Variants in PLEKHA5 observed in about 807,000 individuals in gnomAD.
The protein encoded by PLEKHA5 is pleckstrin homology domain containing A5.
A neutral mutation model predicts 181.9 loss-of-function variants in PLEKHA5; 55 were observed. The ratio of observed to expected loss-of-function variants is 0.30; its 90% CI spans 0.24 to 0.38. The LOEUF (loss-of-function observed/expected upper bound fraction) is 0.38, where lower values mean the gene tolerates loss of function less well. PLEKHA5 is among the 10% of genes least tolerant of loss of function. The pLI is 1.00. For missense variants in PLEKHA5, 1,432 were observed against 1,549.5 expected, an observed-to-expected ratio of 0.92 and a Z score of 1.27; for synonymous variants, 535 against 529.4, an observed-to-expected ratio of 1.01 and a Z score of -0.15.
chr12:19,372,053 T>C (rs1336714673), intron 31 of PLEKHA5: 1 of 152,134 alleles, frequency 6.6e-6, no homozygotes, highest in Non-Finnish European at 1.5e-5. Context: ...CAGGCTGGAG[T>C]GCAGTGGCGT....
chr12:19,301,856 G>C (rs2081560227), intron 15 of PLEKHA5, among the ~76,000 whole-genome samples: 2 of 152,168 alleles, frequency 1.3e-5, no homozygotes, highest in African/African-American at 4.8e-5. Context: ...CCTGCTTCCT[G>C]TTGAAGAGTG....
chr12:19,369,448 G>C (rs1259515954), intron 30 of PLEKHA5, among the ~76,000 whole-genome samples: 1 of 152,072 alleles, frequency 6.6e-6, no homozygotes, highest in Non-Finnish European at 1.5e-5. Context: ...GGGAGACCAA[G>C]ATGGGAGGAT....
chr12:19,295,646 C>T (rs1450316757), intron 15 of PLEKHA5, among the ~76,000 whole-genome samples: 3 of 152,138 alleles, frequency 2.0e-5, no homozygotes, highest in Non-Finnish European at 4.4e-5. Flanking sequence ...CTAAAAGGTT[C>T]CATAGAGCCA....
At chr12:19,299,359 G>T (rs937040944) in intron 15 of PLEKHA5, among the ~76,000 whole-genome samples, 1 of 152,166 alleles carries the variant, frequency 6.6e-6, no homozygotes, top group African/African-American at 2.4e-5. Context: ...GAGAACAAAG[G>T]CTACCATAAC....
At chr12:19,260,832 C>G (rs1313721464) in intron 6 of PLEKHA5, 117 bp from the exon 7 acceptor site, 1 of 544,866 alleles carries the variant, frequency 1.8e-6, no homozygotes, top group Non-Finnish European at 3.1e-6. Context: ...TGCACTCCAG[C>G]CTGGGCAACA....
chr12:19,369,270 A>T (rs1347341816), intron 30 of PLEKHA5, among the ~76,000 whole-genome samples: 1 of 151,772 alleles, frequency 6.6e-6, no homozygotes, highest in Non-Finnish European at 1.5e-5. Context: ...CCTGACCTCA[A>T]ATGATCCGCC....
chr12:19,283,218 A>T, intron 11 of PLEKHA5, 62 bp from the exon 12 acceptor site: 1 of 956,764 alleles, frequency 1.0e-6, no homozygotes, highest in Non-Finnish European at 1.5e-6. Flanking sequence ...AATGTACTCT[A>T]ATTTAGAATT....
At chr12:19,349,872 G>A (rs2094510085) in intron 25 of PLEKHA5, among the ~76,000 whole-genome samples, 1 of 152,194 alleles carries the variant, frequency 6.6e-6, no homozygotes, top group Non-Finnish European at 1.5e-5. Flanking sequence ...CAGCACTTTG[G>A]GAGGTGGAGG....
At chr12:19,374,134 A>G (rs1216207228) in intron 31 of PLEKHA5, among the ~76,000 whole-genome samples, 2 of 152,174 alleles carry the variant, frequency 1.3e-5, no homozygotes. Context: ...ACCTTTACAA[A>G]TGACACTACG....
intron 20 of PLEKHA5, among the ~76,000 whole-genome samples, chr12:19,335,269 G>A (rs2093327518): frequency 6.6e-6 from 1 of 151,792 alleles, no homozygotes; most frequent in Non-Finnish European, 1.5e-5. Flanking sequence ...CTGGGCTCAA[G>A]TGATCCACCT....
At chr12:19,276,756 A>T (rs2074639155) in intron 11 of PLEKHA5, among the ~76,000 whole-genome samples, 1 of 152,232 alleles carries the variant, frequency 6.6e-6, no homozygotes, top group African/African-American at 2.4e-5. Flanking sequence ...CAAAGAAAAG[A>T]TTTGGGAAAA....
At chr12:19,193,259 G>A (rs1361159315) in intron 3 of PLEKHA5, among the ~76,000 whole-genome samples, 2 of 152,124 alleles carry the variant, frequency 1.3e-5, no homozygotes, top group Admixed American at 6.5e-5. Flanking sequence ...AATATAGTAA[G>A]ATTCACAAGA....
chr12:19,137,436 CAA>C lies in PLEKHA5; in HGVS notation c.227+4987_227+4988del, dbSNP rs576798497. 5.7e-3 allele frequency among the ~76,000 whole-genome samples: 864 copies of C among 152,302 alleles called. 3 individuals carry two copies. The highest frequency in any genetic ancestry group is 0.02 in the African/African-American group (826 of 41,578). On this transcript the variant is annotated intron_variant, in intron 3 of 31. Coordinates refer to ENST00000429027, the MANE Select transcript of PLEKHA5 (RefSeq NM_001256470.2). ...TTATATTTCTTTTCCATATTTATAA[CAA>C]GAGTTTTGGACTGTTAATATGTGAT...
chr12:19,285,466 C>T (rs2077017781), intron 12 of PLEKHA5, among the ~76,000 whole-genome samples: 1 of 152,238 alleles, frequency 6.6e-6, no homozygotes, highest in Non-Finnish European at 1.5e-5. Flanking sequence ...CTTCCTTGAT[C>T]TAGATCAGTG....
intron 24 of PLEKHA5, among the ~76,000 whole-genome samples, chr12:19,347,582 G>T (rs1005183981): frequency 5.9e-5 from 9 of 152,172 alleles, no homozygotes; most frequent in Admixed American, 5.9e-4. Flanking sequence ...GGACATTTTG[G>T]TCTAGGAAAA....
At chr12:19,254,685 T>C (rs1298764954) in intron 4 of PLEKHA5, among the ~76,000 whole-genome samples, 1 of 151,984 alleles carries the variant, frequency 6.6e-6, no homozygotes. Context: ...TAGCCGGGCA[T>C]GGTGGAACGT....
At chr12:19,289,617 C>G (rs897737457) in intron 13 of PLEKHA5, among the ~76,000 whole-genome samples, 1 of 152,056 alleles carries the variant, frequency 6.6e-6, no homozygotes, top group Non-Finnish European at 1.5e-5. Context: ...TACTGTATTT[C>G]TAAGAAAAGT....
chr12:19,212,492 C>G (rs1230407318), intron 3 of PLEKHA5, among the ~76,000 whole-genome samples: 1 of 152,078 alleles, frequency 6.6e-6, no homozygotes, highest in Non-Finnish European at 1.5e-5. Flanking sequence ...ACCAGTCTGG[C>G]CAACATGGTG....
chr12:19,302,906 A>ATTTTTT lies in PLEKHA5; in HGVS notation c.2037+11237_2037+11242dup, dbSNP rs34702332. 7.3e-3 allele frequency among the ~76,000 whole-genome samples: 396 copies of ATTTTTT among 54,030 alleles called. 29 individuals are homozygous for ATTTTTT. The highest frequency in any genetic ancestry group is 0.012 in the South Asian group (9 of 776). The allele number at this position is 54,030 out of a possible 152,430, so 35.4% of individuals were successfully genotyped here. A position where few individuals can be genotyped will look rare whatever the true frequency, so the allele number is the denominator to read the frequency against. ...GTTGGACAGCACTGTTCTGTATGAA[A>ATTTTTT]TTTTTTTTTTTTTTTTTTTTTTTTT... On this transcript the variant is annotated intron_variant, in intron 15 of 31. Coordinates refer to ENST00000429027, the MANE Select transcript of PLEKHA5 (RefSeq NM_001256470.2).
Sources: allele counts gnomAD v4.1 joint callset (sites outside exome capture counted in the v4.1 genomes callset), GRCh38; gene constraint gnomAD v4.1.1; transcripts MANE v1.5; gene names NCBI Gene and HGNC (gene_info 2026-07-23, HGNC 2026-07-21).